Variants in DMRT3 observed in about 807,000 individuals in gnomAD.
The protein encoded by DMRT3 is doublesex and mab-3 related transcription factor 3.
Under a neutral mutation model 34.9 loss-of-function variants are expected in DMRT3, and 29 were observed. That is an observed-to-expected ratio of 0.83 (90% CI 0.62 to 1.13). The LOEUF is 1.13. DMRT3 is among the 50% of genes most tolerant of loss of function. The pLI, the probability that DMRT3 is intolerant of heterozygous loss-of-function variation, is 0.00. For synonymous variants in DMRT3, 350 were observed against 286.0 expected (o/e 1.22, Z -2.26); for missense variants, 772 against 629.1 (o/e 1.23, Z -2.43).
chr9:983,496 A>T (rs530273511), intron 1 of DMRT3, among the ~76,000 whole-genome samples: 1 of 152,186 alleles, frequency 6.6e-6, no homozygotes, highest in Non-Finnish European at 1.5e-5. Context: ...TTTGCAAAAG[A>T]TTAGTTAGTA....
chr9:986,419 C>A (rs1350559870), intron 1 of DMRT3, among the ~76,000 whole-genome samples: 2 of 151,730 alleles, frequency 1.3e-5, no homozygotes, highest in African/African-American at 2.4e-5. Flanking sequence ...AGTTAGCCTT[C>A]TGCTGTTTGA....
chr9:987,716 G>A (rs536588147), intron 1 of DMRT3, among the ~76,000 whole-genome samples: 10 of 151,970 alleles, frequency 6.6e-5, no homozygotes, highest in African/African-American at 1.2e-4. Flanking sequence ...TCCCAGTATC[G>A]TGCAGAAATA....
At position 990,648 on chromosome 9, in the gene DMRT3, G is replaced by C. The variant is rs368610772; in HGVS notation, c.1062G>C (p.Leu354Phe). Reference protein sequence around the residue: ...ADSSNVVPSPLAGPLQPPFPQ... With the variant: ...ADSSNVVPSPFAGPLQPPFPQ... ...CTAGCAACGTTGTCCCCAGTCCCTT[G>C]GCTGGGCCTCTGCAGCCCCCTTTCC... is the stretch of plus-strand genomic sequence containing the variant. Residue 354 changes from leucine to phenylalanine, a missense_variant, in exon 2 of 2, where the codon TTG (leucine) becomes TTC (phenylalanine). Coordinates refer to ENST00000190165, the MANE Select transcript of DMRT3 (RefSeq NM_021240.4). 1 of 1,614,154 alleles carries C rather than the reference G, an allele frequency of 6.2e-7. No homozygotes were observed. The highest frequency in any genetic ancestry group is 2.2e-5 in the East Asian group (1 of 44,880).
chr9:985,065 A>G (rs1304044615), intron 1 of DMRT3, among the ~76,000 whole-genome samples: 1 of 152,192 alleles, frequency 6.6e-6, no homozygotes, highest in Non-Finnish European at 1.5e-5. Context: ...TTAATTGAAT[A>G]TCTACTTCTT....
intron 1 of DMRT3, among the ~76,000 whole-genome samples, chr9:979,455 G>A (rs1586682118): frequency 6.6e-6 from 1 of 152,162 alleles, no homozygotes; most frequent in South Asian, 2.1e-4. Context: ...ATCACAAGGC[G>A]AGGTCCAAGT....
chr9:979,501 G>A lies in DMRT3; in HGVS notation c.454+2046G>A, dbSNP rs111872162. Among the ~76,000 whole-genome samples, 1,308 of 152,126 alleles carry A rather than the reference G, an allele frequency of 8.6e-3. 15 individuals carry two copies. Among genetic ancestry groups the A allele is most frequent in the African/African-American group, 0.029 (1,221 of 41,482 alleles). ...GGGGACCGAGGCATCAGGGACCAAG[G>A]GCTCAGTTTCCAGCTGGTCACCCCC... On this transcript the variant is annotated intron_variant, in intron 1 of 1. Coordinates refer to ENST00000190165, the MANE Select transcript of DMRT3 (RefSeq NM_021240.4).
At position 990,262 on chromosome 9, in the gene DMRT3, G is replaced by T; in HGVS notation, c.676G>T (p.Glu226Ter). 6.2e-7 allele frequency: 1 copy of T among 1,613,934 alleles called. No homozygotes were observed. The highest frequency in any genetic ancestry group is 8.5e-7 in the Non-Finnish European group (1 of 1,180,026). The part of the protein sequence containing the change: ...SRPDSPKCHA[E>*]QNHLLIEGPS... ...CCCTGACAGCCCCAAGTGTCACGCG[G>T]AGCAGAATCACCTCCTGATTGAGGG... Residue 226 changes from glutamate to a stop codon, truncating the protein, a stop_gained, in exon 2 of 2, where the codon GAG becomes TAG. Transcript: ENST00000190165. LOFTEE classifies it high-confidence loss of function.
chr9:982,620 A>G (rs1820235879), intron 1 of DMRT3, among the ~76,000 whole-genome samples: 2 of 152,362 alleles, frequency 1.3e-5, no homozygotes, highest in African/African-American at 4.8e-5. Flanking sequence ...TTGATGAGAA[A>G]TTCTTTGCTG....
At chr9:979,542 G>C (rs1820191102) in intron 1 of DMRT3, among the ~76,000 whole-genome samples, 1 of 152,098 alleles carries the variant, frequency 6.6e-6, no homozygotes, top group South Asian at 2.1e-4. Flanking sequence ...CCCATACCTT[G>C]TACATTGATG....
intron 1 of DMRT3, among the ~76,000 whole-genome samples, chr9:978,340 G>C (rs1820178071): frequency 6.6e-6 from 1 of 152,166 alleles, no homozygotes; most frequent in African/African-American, 2.4e-5. Context: ...TCTAGCTTGC[G>C]GTTCTGCCCA....
chr9:991,084 T>C lies in DMRT3; in HGVS notation c.*79T>C, dbSNP rs1820358678. 2.0e-6 allele frequency: 3 copies of C among 1,507,266 alleles called. No individual in the cohort carries two copies. Among genetic ancestry groups the C allele is most frequent in the Non-Finnish European group, 2.7e-6 (3 of 1,117,452 alleles). 93.4% of individuals were successfully genotyped at this position (1,507,266 alleles called of 1,614,324 possible). A position where few individuals can be genotyped will look rare whatever the true frequency, so the allele number is the denominator to read the frequency against. On this transcript the variant is annotated 3_prime_UTR_variant, in exon 2 of 2. Transcript: ENST00000190165. ...GAGGCATCTGAGGAGAGGCCACATC[T>C]TGTGTATGCCCTTTCCTTCTGTTTG...
In DMRT3 at chr9:976,815, C is replaced by G. The variant is rs1359768426; in HGVS notation, c.-187C>G. On this transcript the variant is annotated 5_prime_UTR_variant, in exon 1 of 2. Transcript: ENST00000190165. The surrounding 1 kb of genome is among the most constrained non-coding windows in gnomAD (Gnocchi z 4.5). Reference sequence around the variant, plus strand: ...GAGCTGGGAGGCCGAGCTGTGAGCGCGAAGGGAGCTGGAGAGACGACTGCG... The same window carrying G: ...GAGCTGGGAGGCCGAGCTGTGAGCGGGAAGGGAGCTGGAGAGACGACTGCG... 4.1e-6 allele frequency: 2 copies of G among 482,038 alleles called. No individual in the cohort carries two copies. Among genetic ancestry groups the G allele is most frequent in the African/African-American group, 2.0e-5 (1 of 49,736 alleles). 29.9% of individuals were successfully genotyped at this position (482,038 alleles called of 1,614,324 possible). A position where few individuals can be genotyped will look rare whatever the true frequency, so the allele number is the denominator to read the frequency against.
At chr9:983,126 T>A (rs1175341133) in intron 1 of DMRT3, among the ~76,000 whole-genome samples, 1 of 152,044 alleles carries the variant, frequency 6.6e-6, no homozygotes, top group East Asian at 1.9e-4. Context: ...AGGTATGGGG[T>A]TTTTTTGCAT....
intron 1 of DMRT3, among the ~76,000 whole-genome samples, chr9:985,181 T>A (rs992164714): frequency 1.3e-5 from 2 of 152,214 alleles, no homozygotes; most frequent in African/African-American, 4.8e-5. Context: ...ATTTTAAAAA[T>A]ATGTACATGT....
chr9:990,508 C>G lies in DMRT3; in HGVS notation c.922C>G (p.Pro308Ala), dbSNP rs762258982. The G allele has an allele frequency of 5.0e-6, 8 of 1,614,120 alleles. No individual in the cohort carries two copies. The South Asian group carries it at 7.7e-5, about 16-fold the overall frequency. Residue 308 changes from proline (P) to alanine (A), a missense_variant, in exon 2 of 2, where the codon CCC (proline) becomes GCC (alanine). Pro to Ala is a conservative substitution (Grantham distance 27). Coordinates refer to ENST00000190165, the MANE Select transcript of DMRT3 (RefSeq NM_021240.4). ...CGCAGAACCTGAGAGTCTAGCGTTGCCCTCCAATGGGCACATCTTTGAACA... is the reference window on the plus strand; with the variant it reads ...CGCAGAACCTGAGAGTCTAGCGTTGGCCTCCAATGGGCACATCTTTGAACA... The part of the protein sequence containing the change: ...TSAEPESLAL[P>A]SNGHIFEHTL...
chr9:989,990 T>C (rs774553177), intron 1 of DMRT3, 51 bp from the exon 2 acceptor site: 3 of 1,596,332 alleles, frequency 1.9e-6, no homozygotes, highest in East Asian at 2.2e-5. Context: ...GCACATCTGC[T>C]CCTCTTTATG....
intron 1 of DMRT3, among the ~76,000 whole-genome samples, chr9:984,134 A>T (rs1820254307): frequency 1.3e-5 from 2 of 152,178 alleles, no homozygotes; most frequent in African/African-American, 4.8e-5. Context: ...CTCCTGTAAA[A>T]GTCTCATCCT....
rs937264633 is a variant in DMRT3 at position 990,814 on chromosome 9, C to T, written c.1228C>T (p.Pro410Ser). 6.8e-6 allele frequency: 11 copies of T among 1,614,164 alleles called. No individual in the cohort carries two copies. The highest frequency in any genetic ancestry group is 2.2e-5 in the East Asian group (1 of 44,876). Reference sequence around the variant, plus strand: ...TCAGCTGAGGTCCCAGTATGTCAGTCCTTTCCCCAGTAACTCTACCAGCGT... The same window carrying T: ...TCAGCTGAGGTCCCAGTATGTCAGTTCTTTCCCCAGTAACTCTACCAGCGT... ...QYQLRSQYVS[P>S]FPSNSTSVFR... The change falls in exon 2 of 2, where the codon CCT becomes TCT. Residue 410 changes from proline (P) to serine (S), a missense_variant. Pro to Ser is a moderately conservative substitution (Grantham distance 74). Coordinates refer to ENST00000190165, the MANE Select transcript of DMRT3 (RefSeq NM_021240.4).
chr9:987,410 C>T (rs1348957404), intron 1 of DMRT3, among the ~76,000 whole-genome samples: 2 of 142,030 alleles, frequency 1.4e-5, no homozygotes, highest in Non-Finnish European at 3.0e-5. Flanking sequence ...AATAATATCC[C>T]ACTGTGTGTG....
Sources: allele counts gnomAD v4.1 joint callset (sites outside exome capture counted in the v4.1 genomes callset), GRCh38; gene constraint gnomAD v4.1.1; non-coding constraint Gnocchi (gnomAD v3.1); transcripts MANE v1.5; gene names NCBI Gene and HGNC (gene_info 2026-07-23, HGNC 2026-07-21).